The following GOPC variants were observed in gnomAD, a reference collection of about 807,000 sequenced individuals.
The protein encoded by GOPC is golgi associated PDZ and coiled-coil motif containing.
In GOPC, 32 loss-of-function variants were observed where a neutral mutation model predicts 51.2. The ratio of observed to expected loss-of-function variants is 0.63; its 90% confidence interval spans 0.47 to 0.84. GOPC has a LOEUF of 0.84. GOPC is among the 40% of genes least tolerant of loss of function. GOPC has a pLI of 0.00. For missense variants in GOPC, 441 were observed against 555.5 expected (o/e 0.79, Z 2.07); for synonymous variants, 190 against 205.1 (o/e 0.93, Z 0.63).
At chr6:117,588,699 T>G (rs1043381330) in intron 1 of GOPC, among the ~76,000 whole-genome samples, 2 of 151,888 alleles carry the variant, frequency 1.3e-5, no homozygotes, top group East Asian at 1.9e-4. Context: ...ATGAGTTTAT[T>G]GTAGTTATTT....
intron 1 of GOPC, among the ~76,000 whole-genome samples, chr6:117,600,267 C>T (rs72965594): frequency 0.042 from 6,346 of 152,188 alleles, 195 homozygotes; most frequent in Non-Finnish European, 0.061. Flanking sequence ...TTCTTATAAA[C>T]CACCAGTTCT....
At chr6:117,572,342 CCTT>C (rs1451857963) in intron 5 of GOPC, among the ~76,000 whole-genome samples, 1 of 152,100 alleles carries the variant, frequency 6.6e-6, no homozygotes, top group African/African-American at 2.4e-5. Context: ...TCAAATCTAT[CCTT>C]CTTCTCAAAT....
Position 117,577,382 on chromosome 6 carries a change from T to C in GOPC, c.474+66A>G. ...ATACAATGAGTGACAACATATAATATGCAAATAAAACACTAAGAACACTTC... is the reference window on the plus strand; with the variant it reads ...ATACAATGAGTGACAACATATAATACGCAAATAAAACACTAAGAACACTTC... On this transcript the variant is annotated intron_variant, in intron 3 of 8. Coordinates refer to ENST00000368498, the MANE Select transcript of GOPC (RefSeq NM_020399.4). The C allele has an allele frequency of 3.7e-6, 5 of 1,359,816 alleles. No individual in the cohort carries two copies. In the Middle Eastern group the frequency reaches 7.2e-4, roughly 196 times the overall value. The allele number at this position is 1,359,816 out of a possible 1,614,324, so 84.2% of individuals were successfully genotyped here.
chr6:117,564,539 C>A (rs891590125), intron 8 of GOPC, among the ~76,000 whole-genome samples: 4 of 152,028 alleles, frequency 2.6e-5, no homozygotes, highest in South Asian at 4.1e-4. Flanking sequence ...GACTATATCA[C>A]CTATTTAGGT....
At chr6:117,594,085 C>T (rs1027524961) in intron 1 of GOPC, among the ~76,000 whole-genome samples, 2 of 152,176 alleles carry the variant, frequency 1.3e-5, no homozygotes, top group African/African-American at 4.8e-5. Context: ...AGACTTCCCA[C>T]GATTATGATA....
At chr6:117,565,073 C>CT (rs1305927900) in intron 8 of GOPC, among the ~76,000 whole-genome samples, 1 of 151,794 alleles carries the variant, frequency 6.6e-6, no homozygotes, top group African/African-American at 2.4e-5. Flanking sequence ...ATTGAAAAAT[C>CT]TAAAAAAAAA....
At chr6:117,586,336 T>A (rs566298130) in intron 1 of GOPC, among the ~76,000 whole-genome samples, 1 of 152,222 alleles carries the variant, frequency 6.6e-6, no homozygotes. Flanking sequence ...ATATAGTAAA[T>A]TGAGCTTCCA....
intron 1 of GOPC, among the ~76,000 whole-genome samples, chr6:117,587,668 G>C (rs1033846169): frequency 2.0e-5 from 3 of 151,956 alleles, no homozygotes; most frequent in Non-Finnish European, 4.4e-5. Flanking sequence ...ACATTTTCAG[G>C]GGATCTGAAA....
intron 1 of GOPC, among the ~76,000 whole-genome samples, chr6:117,598,290 A>G (rs1464826168): frequency 6.6e-6 from 1 of 151,926 alleles, no homozygotes; most frequent in Non-Finnish European, 1.5e-5. Flanking sequence ...AGAGGGATCA[A>G]CTGAGCTGGG....
chr6:117,589,586 T>C (rs1157534503), intron 1 of GOPC, among the ~76,000 whole-genome samples: 2 of 152,132 alleles, frequency 1.3e-5, no homozygotes, highest in Non-Finnish European at 2.9e-5. Context: ...TCCCAAAGTG[T>C]TGGGATTACA....
intron 8 of GOPC, among the ~76,000 whole-genome samples, chr6:117,563,732 A>G (rs938808169): frequency 2.0e-5 from 3 of 151,616 alleles, no homozygotes; most frequent in African/African-American, 7.3e-5. Flanking sequence ...GATTAAAAAA[A>G]TTAAAAAAAA....
intron 8 of GOPC, 37 bp downstream of exon 8, chr6:117,566,817 T>C: frequency 3.8e-6 from 5 of 1,320,598 alleles, no homozygotes; most frequent in South Asian, 1.6e-5. Context: ...TTAATAATAA[T>C]GAATATGTTA....
At position 117,563,296 on chromosome 6, in the gene GOPC, T is replaced by G. The variant is rs1386242130; in HGVS notation, c.1347A>C (p.Lys449Asn). The G allele has an allele frequency of 1.2e-6, 2 of 1,613,378 alleles. No individual in the cohort carries two copies. The highest frequency in any genetic ancestry group is 2.2e-5 in the East Asian group (1 of 44,874). ...GATACAGAGTGTGCAGATCATCTAA[T>G]TTTGAAGCACCGTCATCTAGCGGAG... ...SETPLDDGAS[K>N]LDDLHTLYHK... Residue 449 changes from lysine to asparagine, a missense_variant, in exon 9 of 9, where the codon AAA (lysine) becomes AAC (asparagine). By Grantham distance (94) the Lys-to-Asn change is moderately conservative. Around this residue, in one of 3 missense-constraint regions of GOPC, gnomAD observed 71 missense variants for 68.8 expected, o/e 1.03. Coordinates refer to ENST00000368498, the MANE Select transcript of GOPC (RefSeq NM_020399.4).
chr6:117,574,304 A>G (rs1024630591), intron 4 of GOPC, among the ~76,000 whole-genome samples: 3 of 152,168 alleles, frequency 2.0e-5, no homozygotes, highest in African/African-American at 7.2e-5. Context: ...TCAAGATGAT[A>G]TAAATTATTT....
At chr6:117,590,858 TG>T (rs1780106037) in intron 1 of GOPC, among the ~76,000 whole-genome samples, 1 of 152,116 alleles carries the variant, frequency 6.6e-6, no homozygotes, top group African/African-American at 2.4e-5. Context: ...TGTTTTGTTT[TG>T]TTTTGTTTTT....
Position 117,602,484 on chromosome 6 carries a change from G to GCGACACACGGAAGACT in GOPC, c.-212_-197dup. 1.7e-6 allele frequency: 1 copy of GCGACACACGGAAGACT among 600,720 alleles called. No homozygotes were observed. The highest frequency in any genetic ancestry group is 2.8e-5 in the East Asian group (1 of 35,446). The allele number at this position is 600,720 out of a possible 1,614,324, so 37.2% of individuals were successfully genotyped here. Reference sequence around the variant, plus strand: ...GGCTGAAGCTGAGGCGGCAACGGCGGCGACACACGGAAGACTCAGTCAGTC... The same window carrying GCGACACACGGAAGACT: ...GGCTGAAGCTGAGGCGGCAACGGCGGCGACACACGGAAGACTCGACACACGGAAGACTCAGTCAGTC... On this transcript the variant is annotated 5_prime_UTR_variant, in exon 1 of 9. Transcript: ENST00000368498.
intron 2 of GOPC, 57 bp downstream of exon 2, chr6:117,578,843 T>G: frequency 8.6e-7 from 1 of 1,159,588 alleles, no homozygotes; most frequent in South Asian, 2.4e-5. Context: ...CATTCAAAAT[T>G]GTCCTGTACA....
intron 3 of GOPC, chr6:117,575,559 A>G: frequency 1.3e-6 from 1 of 744,168 alleles, no homozygotes. Context: ...GCCATGGGTT[A>G]CCCTGATATG....
chr6:117,586,601 C>T (rs1369345809), intron 1 of GOPC, among the ~76,000 whole-genome samples: 1 of 151,338 alleles, frequency 6.6e-6, no homozygotes, highest in Non-Finnish European at 1.5e-5. Context: ...TTGCCTCAGC[C>T]TCCCAAGTTA....
Sources: gnomAD v4.1 joint callset for allele counts (sites outside exome capture counted in the v4.1 genomes callset) on GRCh38, gnomAD v4.1.1 for gene constraint, gnomAD v4.1.1 regional missense constraint, MANE v1.5 for transcripts, NCBI Gene and HGNC (gene_info 2026-07-23, HGNC 2026-07-21) for gene names.